The following PSPC1 variants were observed in gnomAD, a reference collection of about 807,000 sequenced individuals.
PSPC1 encodes paraspeckle protein 1.
Under a neutral mutation model 51.6 loss-of-function variants are expected in PSPC1, and 14 were observed. The ratio of observed to expected loss-of-function variants is 0.27; its 90% CI spans 0.18 to 0.42. The LOEUF is 0.42. Ranked by LOEUF, PSPC1 falls within the 10% of genes least tolerant of loss-of-function variation. The pLI is 1.00. For synonymous variants in PSPC1, 193 were observed against 231.9 expected, an observed-to-expected ratio of 0.83 and a Z score of 1.53; for missense variants, 406 against 701.1, an observed-to-expected ratio of 0.58 and a Z score of 4.75.
At chr13:19,745,810 G>A (rs897420101) in intron 4 of PSPC1, among the ~76,000 whole-genome samples, 4 of 151,810 alleles carry the variant, frequency 2.6e-5, no homozygotes, top group Non-Finnish European at 4.4e-5. Context: ...CAATAGAGAT[G>A]GGGTTTCACC....
At chr13:19,749,086 C>T (rs1457881852) in intron 4 of PSPC1, among the ~76,000 whole-genome samples, 1 of 151,974 alleles carries the variant, frequency 6.6e-6, no homozygotes, top group Admixed American at 6.6e-5. Context: ...GTGGCTCATG[C>T]CTGCAATCCC....
At position 19,753,895 on chromosome 13, in the gene PSPC1, C is replaced by A. The variant is rs558457259; in HGVS notation, c.771-2428G>T. On this transcript the variant is annotated intron_variant, in intron 3 of 8. Coordinates refer to ENST00000338910, the MANE Select transcript of PSPC1 (RefSeq NM_001354909.2). The stretch of plus-strand genomic sequence containing the variant: ...GGAAAGTGGGAAAGATTGGGAGAAT[C>A]TACCAACCACTAATTTTTCTAAAAG... Among the ~76,000 whole-genome samples, 4 of 152,114 alleles carry A rather than the reference C, an allele frequency of 2.6e-5. No individual in the cohort carries two copies. In the East Asian group the frequency reaches 7.7e-4, roughly 29 times the overall value.
downstream of PSPC1, among the ~76,000 whole-genome samples, chr13:19,699,771 A>G (rs893403096): frequency 1.3e-5 from 2 of 152,194 alleles, no homozygotes; most frequent in Non-Finnish European, 2.9e-5. Context: ...GAAAACATGA[A>G]TAACTGTTGA....
chr13:19,728,635 T>C (rs1260981923), intron 6 of PSPC1, among the ~76,000 whole-genome samples: 2 of 152,334 alleles, frequency 1.3e-5, no homozygotes, highest in East Asian at 3.9e-4. Context: ...AGGTAGAGCT[T>C]TCATTCATAT....
intron 6 of PSPC1, among the ~76,000 whole-genome samples, chr13:19,694,622 A>T (rs1005182994): frequency 1.3e-5 from 2 of 152,226 alleles, no homozygotes; most frequent in Non-Finnish European, 2.9e-5. Context: ...GATTAATATA[A>T]TCAAGTCGTT....
intron 6 of PSPC1, among the ~76,000 whole-genome samples, chr13:19,680,884 CA>C (rs1877193802): frequency 6.6e-6 from 1 of 152,122 alleles, no homozygotes; most frequent in Non-Finnish European, 1.5e-5. Flanking sequence ...TGTAAACAGT[CA>C]ATACCACACA....
chr13:19,678,855 C>A (rs766165355), intron 6 of PSPC1: 13 of 152,224 alleles, frequency 8.5e-5, no homozygotes, highest in Non-Finnish European at 1.6e-4. Context: ...TTCCCAGGCT[C>A]AAGCAATCCT....
Position 19,703,222 on chromosome 13 carries a change from T to C in PSPC1, c.1525A>G (p.Ser509Gly). 1 of 1,614,178 alleles carries C rather than the reference T, an allele frequency of 6.2e-7. No homozygotes were observed. The highest frequency in any genetic ancestry group is 8.5e-7 in the Non-Finnish European group (1 of 1,179,996). Reference sequence around the variant, plus strand: ...GGGCCTTCAAAGTTGCCCCCTTGACTTCCTCTACCAAAGCCACCAGGACCA... The same window carrying C: ...GGGCCTTCAAAGTTGCCCCCTTGACCTCCTCTACCAAAGCCACCAGGACCA... ...SGGPGGFGRG[S>G]QGGNFEGPNK... Residue 509 changes from serine to glycine, a missense_variant, in exon 9 of 9, where the codon AGT becomes GGT. By Grantham distance (56) the Ser-to-Gly change is moderately conservative. This residue lies in a region of PSPC1 where 34 missense variants were observed against 158.6 expected (regional missense o/e 0.21). Coordinates refer to ENST00000338910, the MANE Select transcript of PSPC1 (RefSeq NM_001354909.2).
chr13:19,759,493 A>G (rs1235215472), intron 2 of PSPC1, 75 bp from the exon 3 acceptor site: 8 of 1,010,990 alleles, frequency 7.9e-6, no homozygotes, highest in African/African-American at 6.6e-5. Context: ...GAAATGTTTT[A>G]TAATAATAAA....
rs754743203 is a variant in PSPC1 at position 19,782,602 on chromosome 13, AGGCGCG to A, written c.150_155del (p.Ala51_Pro52del). ...TCTCCTCGTCCGGGTGGTCCTCTGG[AGGCGCG>A]GGCGCGGGCGGTGCCGGCTCCCCGG... is the stretch of plus-strand genomic sequence containing the variant. On this transcript the variant is annotated inframe_deletion, in exon 1 of 9. Coordinates refer to ENST00000338910, the MANE Select transcript of PSPC1 (RefSeq NM_001354909.2). The surrounding 1 kb of genome is among the most constrained non-coding windows in gnomAD (Gnocchi z 4.5). 37 of 1,583,768 alleles carry A rather than the reference AGGCGCG, an allele frequency of 2.3e-5. No homozygotes were observed. The highest frequency in any genetic ancestry group is 1.6e-4 in the Admixed American group (9 of 55,444).
At chr13:19,708,831 G>A (rs531578913) in intron 7 of PSPC1, among the ~76,000 whole-genome samples, 1 of 152,258 alleles carries the variant, frequency 6.6e-6, no homozygotes, top group East Asian at 1.9e-4. Context: ...ACACAACTCA[G>A]AAACTATCAA....
intron 5 of PSPC1, among the ~76,000 whole-genome samples, chr13:19,731,482 C>T (rs916996845): frequency 2.0e-5 from 3 of 152,138 alleles, no homozygotes; most frequent in African/African-American, 7.2e-5. Context: ...AATCTCAGCT[C>T]AGCTCACTGC....
exon 7 of PSPC1, chr13:19,677,791 C>T (rs1331688878): frequency 2.6e-5 from 13 of 490,722 alleles, no homozygotes; most frequent in East Asian, 1.1e-4. Flanking sequence ...AGCTGAACTT[C>T]GGGTAACTTC....
chr13:19,694,324 C>T (rs1878959173), intron 6 of PSPC1, among the ~76,000 whole-genome samples: 1 of 151,714 alleles, frequency 6.6e-6, no homozygotes, highest in Admixed American at 6.6e-5. Flanking sequence ...AATTATTCTT[C>T]TAAGATCAGG....
chr13:19,780,152 C>T (rs1299444279), intron 1 of PSPC1, among the ~76,000 whole-genome samples: 1 of 72,074 alleles, frequency 1.4e-5, no homozygotes, highest in Non-Finnish European at 3.7e-5. Flanking sequence ...GATCAGCCCC[C>T]CGCCCGGCCA....
chr13:19,778,581 C>G (rs1311363654), intron 1 of PSPC1, among the ~76,000 whole-genome samples: 712 of 109,796 alleles, frequency 6.5e-3, no homozygotes, highest in African/African-American at 0.011. Flanking sequence ...CTGTGTTGGC[C>G]GGGCCGGTCT....
chr13:19,778,575 G>A (rs1889478202), intron 1 of PSPC1, among the ~76,000 whole-genome samples: 1 of 128,610 alleles, frequency 7.8e-6, no homozygotes, highest in Non-Finnish European at 1.7e-5. Context: ...GTTTCGCTGT[G>A]TTGGCCGGGC....
At chr13:19,691,760 A>G (rs1227435690) in intron 6 of PSPC1, among the ~76,000 whole-genome samples, 1 of 152,056 alleles carries the variant, frequency 6.6e-6, no homozygotes, top group Non-Finnish European at 1.5e-5. Context: ...CCCTACAAAA[A>G]CACAAATATC....
intron 6 of PSPC1, among the ~76,000 whole-genome samples, chr13:19,681,599 T>C (rs1377737773): frequency 6.6e-6 from 1 of 152,230 alleles, no homozygotes; most frequent in Non-Finnish European, 1.5e-5. Context: ...CAGACACCTG[T>C]TGTGCTGAGC....
Sources: gnomAD v4.1 joint callset for allele counts (sites outside exome capture counted in the v4.1 genomes callset) on GRCh38, gnomAD v4.1.1 for gene constraint, gnomAD v4.1.1 regional missense constraint, Gnocchi (gnomAD v3.1) non-coding constraint, MANE v1.5 for transcripts, NCBI Gene and HGNC (gene_info 2026-07-23, HGNC 2026-07-21) for gene names.